The following NFATC3 variants were observed in gnomAD, a reference collection of about 807,000 sequenced individuals.
NFATC3 encodes the protein nuclear factor of activated T-cells, cytoplasmic 3.
Under a neutral mutation model 98.6 loss-of-function variants are expected in NFATC3, and 46 were observed. That is an observed-to-expected ratio of 0.47 (90% CI 0.37 to 0.60). NFATC3 has a LOEUF of 0.60. Ranked by LOEUF, NFATC3 falls within the 20% of genes least tolerant of loss-of-function variation. The pLI is 0.00. For missense variants in NFATC3, 1,256 were observed against 1,295.5 expected (o/e 0.97, Z 0.47); for synonymous variants, 512 against 472.2 (o/e 1.08, Z -1.09).
chr16:68,157,808 G>T, intron 3 of NFATC3, 61 bp from the exon 4 acceptor site: 3 of 1,319,192 alleles, frequency 2.3e-6, no homozygotes, highest in Non-Finnish European at 3.2e-6. Flanking sequence ...ACTATTGTTG[G>T]CATATTGTAA....
At chr16:68,153,398 G>C (rs2038442740) in intron 3 of NFATC3, among the ~76,000 whole-genome samples, 1 of 152,008 alleles carries the variant, frequency 6.6e-6, no homozygotes, top group Admixed American at 6.6e-5. Flanking sequence ...CTCCAGCCTG[G>C]GTGACAGAGT....
At chr16:68,108,401 A>G (rs1370522215) in intron 1 of NFATC3, among the ~76,000 whole-genome samples, 1 of 151,852 alleles carries the variant, frequency 6.6e-6, no homozygotes, top group East Asian at 1.9e-4. Flanking sequence ...GTGTGGTCTT[A>G]TTTCTGAGTT....
At chr16:68,162,579 AG>A (rs1159786091) in intron 4 of NFATC3, among the ~76,000 whole-genome samples, 1 of 146,948 alleles carries the variant, frequency 6.8e-6, no homozygotes, top group African/African-American at 2.6e-5. Context: ...GGTTATTTCA[AG>A]CCTAAACTCT....
chr16:68,092,253 C>T (rs973252096), intron 1 of NFATC3, among the ~76,000 whole-genome samples: 3 of 150,660 alleles, frequency 2.0e-5, no homozygotes, highest in African/African-American at 7.3e-5. Flanking sequence ...GTCAGGAGTT[C>T]GAGACTAGCC....
chr16:68,117,615 C>T (rs1259300737), intron 1 of NFATC3, among the ~76,000 whole-genome samples: 1 of 152,190 alleles, frequency 6.6e-6, no homozygotes, highest in African/African-American at 2.4e-5. Context: ...TCAAACGACC[C>T]TCCTGCCTCA....
At chr16:68,224,834 C>T (rs930136450) in intron 9 of NFATC3, 1 of 152,124 alleles carries the variant, frequency 6.6e-6, no homozygotes, top group African/African-American at 2.4e-5. Flanking sequence ...TTTATAACAG[C>T]TGTAATGAGA....
chr16:68,175,969 T>C (rs8044014), intron 6 of NFATC3, among the ~76,000 whole-genome samples: 27,941 of 152,126 alleles, frequency 0.18, 2,950 homozygotes, highest in African/African-American at 0.28. Context: ...AACCATCATC[T>C]GAATTGACCC....
At chr16:68,127,168 G>A (rs887563701) in intron 3 of NFATC3, among the ~76,000 whole-genome samples, 23 of 152,106 alleles carry the variant, frequency 1.5e-4, no homozygotes, top group Non-Finnish European at 3.4e-4. Context: ...AGCCAAGATC[G>A]TGTCGCTGCA....
intron 8 of NFATC3, among the ~76,000 whole-genome samples, chr16:68,188,047 G>A (rs1328053333): frequency 3.3e-5 from 5 of 152,204 alleles, no homozygotes; most frequent in African/African-American, 9.7e-5. Context: ...AGTGCCCAAA[G>A]TCTGGAGGGG....
chr16:68,159,558 G>T (rs796637532), intron 4 of NFATC3, among the ~76,000 whole-genome samples: 1 of 151,736 alleles, frequency 6.6e-6, no homozygotes, highest in African/African-American at 2.4e-5. Flanking sequence ...GAGTAGCTGG[G>T]ACTAGAGGCA....
intron 9 of NFATC3, among the ~76,000 whole-genome samples, chr16:68,197,058 T>A (rs1003822487): frequency 6.6e-6 from 1 of 151,810 alleles, no homozygotes; most frequent in African/African-American, 2.4e-5. Flanking sequence ...AATAAATAAA[T>A]AAAAACCCAT....
intron 9 of NFATC3, chr16:68,217,612 A>G (rs777649282): frequency 1.1e-5 from 13 of 1,226,708 alleles, no homozygotes; most frequent in Non-Finnish European, 1.3e-5. Flanking sequence ...AGTATAATGG[A>G]GATCCCAGAG....
rs144601296 is a variant in NFATC3 at position 68,219,124 on chromosome 16, G to A, written c.3107-7226G>A. ...AGCTGGACCAGGCGCGGTGGCTCAC[G>A]CCTGTAATCCCAGCACTTTGGGAGG... On this transcript the variant is annotated intron_variant, in intron 9 of 9. Transcript: ENST00000346183. 3.0e-4 allele frequency among the ~76,000 whole-genome samples: 45 copies of A among 151,762 alleles called. No homozygotes were observed. In the East Asian group the frequency reaches 8.7e-3, roughly 29 times the overall value.
intron 1 of NFATC3, among the ~76,000 whole-genome samples, chr16:68,094,619 G>C (rs1001838595): frequency 6.6e-6 from 1 of 152,020 alleles, no homozygotes; most frequent in Non-Finnish European, 1.5e-5. Context: ...AGTTGTCTCT[G>C]AGTTTCACCA....
chr16:68,131,335 C>T (rs1182467084), intron 3 of NFATC3, among the ~76,000 whole-genome samples: 6 of 152,044 alleles, frequency 3.9e-5, no homozygotes, highest in African/African-American at 7.2e-5. Flanking sequence ...TGGAGTACAG[C>T]GGTGTGATAT....
At chr16:68,200,396 A>G (rs1177712837) in intron 9 of NFATC3, 2 of 151,930 alleles carry the variant, frequency 1.3e-5, no homozygotes, top group African/African-American at 4.8e-5. Context: ...CTTTCCCTAC[A>G]TAGGTTTATA....
intron 6 of NFATC3, among the ~76,000 whole-genome samples, chr16:68,176,483 C>T (rs962437182): frequency 6.6e-6 from 1 of 151,492 alleles, no homozygotes; most frequent in South Asian, 2.1e-4. Flanking sequence ...TAAAGTTTTT[C>T]GTTGTATGAA....
intron 5 of NFATC3, among the ~76,000 whole-genome samples, chr16:68,167,927 G>C (rs1020872790): frequency 1.5e-5 from 2 of 134,572 alleles, no homozygotes; most frequent in Non-Finnish European, 3.1e-5. Context: ...CCACCTCCTA[G>C]GTTCAAACGA....
chr16:68,149,163 G>A (rs929488470), intron 3 of NFATC3, among the ~76,000 whole-genome samples: 1 of 152,098 alleles, frequency 6.6e-6, no homozygotes, highest in African/African-American at 2.4e-5. Flanking sequence ...CTAAAGGCTA[G>A]GCTTAATGAT....
Sources: allele counts gnomAD v4.1 joint callset (sites outside exome capture counted in the v4.1 genomes callset), GRCh38; gene constraint gnomAD v4.1.1; transcripts MANE v1.5; gene names NCBI Gene and HGNC (gene_info 2026-07-23, HGNC 2026-07-21).